Variants in CAPRIN1 observed in about 807,000 individuals in gnomAD.
CAPRIN1 encodes cell cycle associated protein 1, also known as caprin-1.
A neutral mutation model predicts 100.9 loss-of-function variants in CAPRIN1; 29 were observed. The ratio of observed to expected loss-of-function variants is 0.29; its 90% CI spans 0.21 to 0.39. The LOEUF (loss-of-function observed/expected upper bound fraction) is 0.39. Among genes scored for constraint, CAPRIN1 ranks in the 10% least tolerant of loss-of-function variants. CAPRIN1 has a pLI of 1.00. For missense variants in CAPRIN1, 795 were observed against 876.7 expected, an observed-to-expected ratio of 0.91 and a Z score of 1.18; for synonymous variants, 338 against 307.5, an observed-to-expected ratio of 1.10 and a Z score of -1.04.
chr11:34,061,902 CAG>C (rs1166732935), intron 2 of CAPRIN1, among the ~76,000 whole-genome samples: 6 of 143,240 alleles, frequency 4.2e-5, no homozygotes, highest in African/African-American at 1.6e-4. Flanking sequence ...ACCTGGGAGG[CAG>C]AGGCTGCATG....
chr11:34,054,659 C>T (rs969559304), intron 2 of CAPRIN1, among the ~76,000 whole-genome samples: 1 of 152,144 alleles, frequency 6.6e-6, no homozygotes, highest in African/African-American at 2.4e-5. Flanking sequence ...GATCTCTTGA[C>T]CTCCTGATCC....
At chr11:34,056,262 C>T (rs1460287029) in intron 2 of CAPRIN1, among the ~76,000 whole-genome samples, 1 of 152,020 alleles carries the variant, frequency 6.6e-6, no homozygotes, top group East Asian at 1.9e-4. Context: ...AATCAAATAT[C>T]CTGGCAAAAA....
At chr11:34,086,461 C>CT in intron 11 of CAPRIN1, 48 bp downstream of exon 11, 4 of 1,080,928 alleles carry the variant, frequency 3.7e-6, no homozygotes, top group Non-Finnish European at 5.5e-6. Flanking sequence ...AAGGCCAGTA[C>CT]TTTCAGGTTT....
chr11:34,062,048 T>C (rs191697988), intron 2 of CAPRIN1, among the ~76,000 whole-genome samples: 5 of 152,082 alleles, frequency 3.3e-5, no homozygotes, highest in African/African-American at 1.2e-4. Flanking sequence ...AGACTCCCGC[T>C]ACATGAGCAT....
Position 34,097,931 on chromosome 11 carries a change from A to G in CAPRIN1, c.2065+170A>G, listed in dbSNP as rs899439023. 2.2e-6 allele frequency: 3 copies of G among 1,370,864 alleles called. No homozygotes were observed. In the African/African-American group the frequency reaches 4.4e-5, roughly 20 times the overall value. The allele number at this position is 1,370,864 out of a possible 1,614,324, so 84.9% of individuals were successfully genotyped here. A position where few individuals can be genotyped will look rare whatever the true frequency, so the allele number is the denominator to read the frequency against. ...AACTTAATCTTGGACCCAAATTTTA[A>G]TTTTTGAATGATTTAATTTTCCCTG... On this transcript the variant is annotated intron_variant, in intron 18 of 18. Transcript: ENST00000341394.
rs1291234826 is a variant in CAPRIN1, at chr11:34,086,233, A to G, written c.1122+14A>G. Reference sequence around the variant, plus strand: ...AATTTCATACAGGTATGTTCATTTTAGTCAGACTCTGTAACAGAAAGTTTA... The same window carrying G: ...AATTTCATACAGGTATGTTCATTTTGGTCAGACTCTGTAACAGAAAGTTTA... On this transcript the variant is annotated intron_variant, in intron 10 of 18. Transcript: ENST00000341394. 6.2e-7 allele frequency: 1 copy of G among 1,612,614 alleles called. No individual in the cohort carries two copies. Among genetic ancestry groups the G allele is most frequent in the Admixed American group, 1.7e-5 (1 of 59,904 alleles).
intron 2 of CAPRIN1, among the ~76,000 whole-genome samples, chr11:34,065,913 A>G (rs1850681241): frequency 6.6e-6 from 1 of 152,256 alleles, no homozygotes; most frequent in Non-Finnish European, 1.5e-5. Flanking sequence ...GTTAACAGCC[A>G]TGGAAGAACA....
Position 34,076,492 on chromosome 11 carries a change from TA to T in CAPRIN1, c.605+20del. The T allele has an allele frequency of 6.2e-7, 1 of 1,608,890 alleles. No homozygotes were observed. The highest frequency in any genetic ancestry group is 8.5e-7 in the Non-Finnish European group (1 of 1,175,236). ...AGCTTGAGGTATTAGTGGTATTTGA[TA>T]ATAGAAACTTCTGAGTATTTAAGTT... is the stretch of plus-strand genomic sequence containing the variant. On this transcript the variant is annotated intron_variant, in intron 5 of 18. Transcript: ENST00000341394.
At chr11:34,091,630 T>C (rs913793283) in intron 14 of CAPRIN1, 27 of 237,008 alleles carry the variant, frequency 1.1e-4, no homozygotes, top group African/African-American at 5.7e-4. Context: ...GTAAAAGCAT[T>C]TCCAAGGCTG....
intron 2 of CAPRIN1, chr11:34,063,381 G>C (rs1850622251): frequency 6.6e-6 from 1 of 152,204 alleles, no homozygotes; most frequent in Admixed American, 6.5e-5. Context: ...ATTTAACTGT[G>C]TCTTTCAATT....
At chr11:34,097,435 T>A (rs1464263667) in intron 17 of CAPRIN1, 139 bp downstream of exon 17, 3 of 767,688 alleles carry the variant, frequency 3.9e-6, no homozygotes, top group Non-Finnish European at 6.4e-6. Context: ...AAACAAAAGC[T>A]TTTAGCACTC....
Position 34,100,390 on chromosome 11 carries a change from T to G in CAPRIN1, c.*1023T>G, listed in dbSNP as rs1851436581. 2.6e-5 allele frequency: 4 copies of G among 152,326 alleles called. No individual in the cohort carries two copies. In the South Asian group the frequency reaches 8.3e-4, roughly 32 times the overall value. The allele number at this position is 152,326 out of a possible 1,614,324, so 9.4% of individuals were successfully genotyped here. On this transcript the variant is annotated 3_prime_UTR_variant, in exon 19 of 19. Transcript: ENST00000341394. ...TGCTGCTACCACCCTTTTCAATTGC[T>G]ATCTTTTGAAAGGCACCAGTATGTG...
intron 18 of CAPRIN1, chr11:34,098,365 G>A: frequency 2.0e-6 from 2 of 985,004 alleles, no homozygotes; most frequent in Non-Finnish European, 2.4e-6. Flanking sequence ...AAAAATTACA[G>A]GTTTAGAGAG....
chr11:34,098,314 A>G (rs1168482449), intron 18 of CAPRIN1: 2 of 984,666 alleles, frequency 2.0e-6, no homozygotes, highest in African/African-American at 1.7e-5. Context: ...TGACTTTTAA[A>G]CAAAACTCCC....
In CAPRIN1 at chr11:34,099,821, C is replaced by G. The variant is rs1210826522; in HGVS notation, c.*454C>G. ...ATGAAAGGAGTGGAGTGTGGTTTGG[C>G]AGAACAACTGCATTTCACAGCTTTT... On this transcript the variant is annotated 3_prime_UTR_variant, in exon 19 of 19. Transcript: ENST00000341394. The G allele has an allele frequency of 6.4e-6, 1 of 157,298 alleles. No homozygotes were observed. Among genetic ancestry groups the G allele is most frequent in the Admixed American group, 6.2e-5 (1 of 16,034 alleles). The allele number at this position is 157,298 out of a possible 1,614,324, so 9.7% of individuals were successfully genotyped here.
intron 14 of CAPRIN1, among the ~76,000 whole-genome samples, chr11:34,091,444 G>A (rs1380934234): frequency 6.6e-6 from 1 of 152,068 alleles, no homozygotes; most frequent in African/African-American, 2.4e-5. Flanking sequence ...AAGCCACCAT[G>A]CCCAGCTAAT....
At chr11:34,058,939 T>A (rs1392395098) in intron 2 of CAPRIN1, among the ~76,000 whole-genome samples, 1 of 152,192 alleles carries the variant, frequency 6.6e-6, no homozygotes, top group Non-Finnish European at 1.5e-5. Context: ...TTTTGGTAGT[T>A]GGTTCCTTTT....
At chr11:34,061,490 G>A (rs187231218) in intron 2 of CAPRIN1, among the ~76,000 whole-genome samples, 14 of 152,134 alleles carry the variant, frequency 9.2e-5, no homozygotes, top group African/African-American at 3.4e-4. Context: ...TTACAGGCAT[G>A]AGCCACTGCA....
chr11:34,072,405 G>A (rs551644504), intron 4 of CAPRIN1, among the ~76,000 whole-genome samples: 2 of 152,104 alleles, frequency 1.3e-5, no homozygotes, highest in South Asian at 4.1e-4. Context: ...TATGCTAAAG[G>A]TCTCATTGGT....
Sources: allele counts gnomAD v4.1 joint callset (sites outside exome capture counted in the v4.1 genomes callset), GRCh38; gene constraint gnomAD v4.1.1; transcripts MANE v1.5; gene names NCBI Gene and HGNC (gene_info 2026-07-23, HGNC 2026-07-21).